IQSEC1: variants seen among roughly 807,000 people sequenced by gnomAD.
IQSEC1 encodes the protein IQ motif and Sec7 domain ArfGEF 1, also known as IQ motif and SEC7 domain-containing protein 1.
Under a neutral mutation model 91.0 loss-of-function variants are expected in IQSEC1, and 31 were observed. The observed-to-expected ratio is 0.34, with a 90% confidence interval of 0.26 to 0.46. The LOEUF is 0.46. IQSEC1 is among the 20% of genes least tolerant of loss of function. The probability of loss-of-function intolerance (pLI) is 1.00; values close to 1 mark genes in which losing one functional copy is unlikely to be tolerated. For synonymous variants in IQSEC1, 699 were observed against 662.6 expected (o/e 1.05, Z -0.84); for missense variants, 1,388 against 1,575.6 (o/e 0.88, Z 2.02).
chr3:12,980,682 T>A (rs560043116), intron 1 of IQSEC1, among the ~76,000 whole-genome samples: 1 of 152,286 alleles, frequency 6.6e-6, no homozygotes, highest in South Asian at 2.1e-4. Flanking sequence ...GGGGCTGGGA[T>A]GGGACCTTGC....
intron 1 of IQSEC1, among the ~76,000 whole-genome samples, chr3:12,987,710 G>C (rs1355306889): frequency 6.6e-6 from 1 of 152,326 alleles, no homozygotes; most frequent in Non-Finnish European, 1.5e-5. Flanking sequence ...CGAAGGATTA[G>C]AATCTGTAGC....
intron 1 of IQSEC1, among the ~76,000 whole-genome samples, chr3:13,199,211 G>A (rs1203281092): frequency 6.6e-6 from 1 of 152,246 alleles, no homozygotes; most frequent in African/African-American, 2.4e-5. Context: ...GCCAGGCTTA[G>A]GATGGAAGAG....
intron 1 of IQSEC1, among the ~76,000 whole-genome samples, chr3:13,202,880 C>T (rs1330272346): frequency 6.6e-6 from 1 of 152,160 alleles, no homozygotes; most frequent in Non-Finnish European, 1.5e-5. Context: ...GTCCTTTACG[C>T]GTGATCAGTG....
In IQSEC1 at chr3:12,901,348, G is replaced by T; in HGVS notation, c.2980C>A (p.Pro994Thr). 1.3e-6 allele frequency: 2 copies of T among 1,528,964 alleles called. No individual in the cohort carries two copies. The highest frequency in any genetic ancestry group is 2.5e-5 in the East Asian group (1 of 40,526). 94.7% of individuals were successfully genotyped at this position (1,528,964 alleles called of 1,614,324 possible). Residue 994 changes from proline to threonine, a missense_variant, in exon 14 of 14, where the codon CCC (proline) becomes ACC (threonine). Coordinates refer to ENST00000613206, the MANE Select transcript of IQSEC1 (RefSeq NM_001134382.3). ...AHLPSAPALP[P>T]PHPPVVLPHL... Reference sequence around the variant, plus strand: ...GGCAGGACCACCGGTGGGTGGGGGGGTGGCAGGGCTGGGGCTGAGGGCAGG... The same window carrying T: ...GGCAGGACCACCGGTGGGTGGGGGGTTGGCAGGGCTGGGGCTGAGGGCAGG...
At chr3:13,038,217 T>C (rs1466224859) in intron 1 of IQSEC1, among the ~76,000 whole-genome samples, 2 of 144,206 alleles carry the variant, frequency 1.4e-5, no homozygotes, top group Non-Finnish European at 3.0e-5. Flanking sequence ...TATAGAAATA[T>C]ATAAGGATAT....
Position 12,973,463 on chromosome 3 carries a change from G to A in IQSEC1, c.24-31598C>T, listed in dbSNP as rs553187677. Reference sequence around the variant, plus strand: ...TACTTAAGACTGTGGGCACCTCGACGGTAGGGAACATTGCGCTCCATGCAC... The same window carrying A: ...TACTTAAGACTGTGGGCACCTCGACAGTAGGGAACATTGCGCTCCATGCAC... On this transcript the variant is annotated intron_variant, in intron 1 of 13. Coordinates refer to ENST00000613206, the MANE Select transcript of IQSEC1 (RefSeq NM_001134382.3). Among the ~76,000 whole-genome samples the A allele has an allele frequency of 4.6e-5, 7 of 152,258 alleles. No individual in the cohort carries two copies. In the East Asian group the frequency reaches 7.7e-4, roughly 17 times the overall value.
At chr3:12,976,836 A>G (rs189300535) in intron 1 of IQSEC1, among the ~76,000 whole-genome samples, 29 of 152,314 alleles carry the variant, frequency 1.9e-4, no homozygotes, top group African/African-American at 6.3e-4. Flanking sequence ...GGGACCACCC[A>G]CAGGGCTAAG....
chr3:13,017,849 G>C (rs951437485), intron 1 of IQSEC1, among the ~76,000 whole-genome samples: 17 of 152,188 alleles, frequency 1.1e-4, no homozygotes, highest in Non-Finnish European at 1.8e-4. Context: ...CCCAGAGCCA[G>C]AGAAGTGGCG....
intron 1 of IQSEC1, among the ~76,000 whole-genome samples, chr3:13,015,876 T>G (rs1294808043): frequency 6.6e-6 from 1 of 152,104 alleles, no homozygotes; most frequent in Non-Finnish European, 1.5e-5. Context: ...TACACCCACC[T>G]CCCTGGACAG....
At chr3:13,037,433 C>T (rs74653607) in intron 1 of IQSEC1, among the ~76,000 whole-genome samples, 27,979 of 152,158 alleles carry the variant, frequency 0.18, 2,869 homozygotes, top group South Asian at 0.36. Flanking sequence ...CGGGGCATGG[C>T]TATACCATGA....
chr3:13,072,957 C>T (rs1214403195), intron 1 of IQSEC1, 35 bp downstream of exon 1: 1 of 1,546,140 alleles, frequency 6.5e-7, no homozygotes, highest in Non-Finnish European at 8.8e-7. Context: ...CCTCTGGCCT[C>T]TGGCTTCAGG....
chr3:13,255,942 A>G (rs909750528), intron 1 of IQSEC1, among the ~76,000 whole-genome samples: 1 of 152,150 alleles, frequency 6.6e-6, no homozygotes, highest in African/African-American at 2.4e-5. Flanking sequence ...TGTTGTCACA[A>G]CTGGGGAACT....
intron 1 of IQSEC1, among the ~76,000 whole-genome samples, chr3:13,024,373 CCATCCAT>C (rs1703525724): frequency 1.5e-3 from 12 of 8,044 alleles, no homozygotes; most frequent in Admixed American, 5.2e-3. Flanking sequence ...ATCCATCACT[CCATCCAT>C]CCATCCATCC....
intron 12 of IQSEC1, among the ~76,000 whole-genome samples, chr3:12,905,552 T>C (rs1575848965): frequency 6.6e-6 from 1 of 151,756 alleles, no homozygotes; most frequent in Non-Finnish European, 1.5e-5. Flanking sequence ...CAGGCGGAGG[T>C]GGGGGATGAG....
At chr3:13,040,725 G>A (rs936148155) in intron 1 of IQSEC1, among the ~76,000 whole-genome samples, 5 of 152,156 alleles carry the variant, frequency 3.3e-5, no homozygotes, top group Admixed American at 2.0e-4. Flanking sequence ...AAAGCCTCTG[G>A]GTTTTTCCCA....
chr3:13,053,526 T>C (rs181749300), intron 1 of IQSEC1, among the ~76,000 whole-genome samples: 8 of 152,158 alleles, frequency 5.3e-5, no homozygotes, highest in East Asian at 3.9e-4. Flanking sequence ...TGAGACGGAA[T>C]GGGAGGAAAA....
intron 2 of IQSEC1, among the ~76,000 whole-genome samples, chr3:13,132,125 A>C (rs1006458199): frequency 2.0e-5 from 3 of 152,166 alleles, no homozygotes; most frequent in African/African-American, 7.2e-5. Flanking sequence ...ATTCCTCTAA[A>C]TCTTTTTGAG....
At chr3:13,081,432 C>G (rs1394850015) in intron 2 of IQSEC1, among the ~76,000 whole-genome samples, 1 of 152,112 alleles carries the variant, frequency 6.6e-6, no homozygotes, top group Non-Finnish European at 1.5e-5. Context: ...CTACATCTGG[C>G]TAATTTTTAA....
Position 13,003,862 on chromosome 3 carries a change from G to T in IQSEC1, c.24-61997C>A, listed in dbSNP as rs533738956. Among the ~76,000 whole-genome samples the T allele has an allele frequency of 1.2e-3, 178 of 152,322 alleles. 2 individuals carry two copies. Among genetic ancestry groups the T allele is most frequent in the African/African-American group, 4.0e-3 (168 of 41,574 alleles). On this transcript the variant is annotated intron_variant, in intron 1 of 13. Transcript: ENST00000613206. ...TTCTTAGTAATTATGTACTGGAGCA[G>T]TATTTAGGGGTGAAAGTTACATATG...
Sources: allele counts gnomAD v4.1 joint callset (sites outside exome capture counted in the v4.1 genomes callset), GRCh38; gene constraint gnomAD v4.1.1; transcripts MANE v1.5; gene names NCBI Gene and HGNC (gene_info 2026-07-23, HGNC 2026-07-21).